The following MRAP2 variants were observed in gnomAD, a reference collection of about 807,000 sequenced individuals.
MRAP2 encodes the protein melanocortin 2 receptor accessory protein 2.
Under a neutral mutation model 17.4 loss-of-function variants are expected in MRAP2, and 20 were observed. The ratio of observed to expected loss-of-function variants is 1.15; its 90% CI spans 0.81 to 1.67. The LOEUF (loss-of-function observed/expected upper bound fraction) is 1.67. MRAP2 is among the 40% of genes most tolerant of loss of function. MRAP2 has a pLI of 0.00. For missense variants in MRAP2, 238 were observed against 240.0 expected (o/e 0.99, Z 0.05); for synonymous variants, 96 against 88.4 (o/e 1.09, Z -0.48).
downstream of MRAP2, among the ~76,000 whole-genome samples, chr6:84,094,598 C>A (rs2099502339): frequency 6.6e-6 from 1 of 152,192 alleles, no homozygotes; most frequent in African/African-American, 2.4e-5. Context: ...TTTCCAATAA[C>A]ATGTTCCTCA....
At chr6:84,036,601 A>G (rs57065075) in intron 1 of MRAP2, among the ~76,000 whole-genome samples, 9,720 of 152,178 alleles carry the variant, frequency 0.064, 1,004 homozygotes, top group African/African-American at 0.22. Context: ...GCAGACCCAA[A>G]GAGTGAGCAG....
At chr6:84,038,640 GA>G (rs1190265076) in intron 1 of MRAP2, among the ~76,000 whole-genome samples, 2 of 152,098 alleles carry the variant, frequency 1.3e-5, no homozygotes, top group Non-Finnish European at 2.9e-5. Flanking sequence ...TACAGGCACA[GA>G]ACACCATGCC....
intron 2 of MRAP2, among the ~76,000 whole-genome samples, chr6:84,060,769 T>C (rs539182347): frequency 6.6e-6 from 1 of 151,258 alleles, no homozygotes; most frequent in Non-Finnish European, 1.5e-5. Flanking sequence ...CACTGCAAGC[T>C]CCACCTGCCG....
the MRAP2 span, among the ~76,000 whole-genome samples, chr6:84,135,757 G>A: frequency 6.6e-6 from 1 of 152,112 alleles, no homozygotes; most frequent in Admixed American, 6.5e-5. Flanking sequence ...CAGCTACTCA[G>A]GAAGCTGAGA....
At chr6:84,104,503 T>C in the MRAP2 span, among the ~76,000 whole-genome samples, 1 of 152,250 alleles carries the variant, frequency 6.6e-6, no homozygotes, top group East Asian at 1.9e-4. Context: ...ACTTTTATGC[T>C]GTGTTTCCCT....
At chr6:84,083,042 G>A (rs565121458) in intron 3 of MRAP2, among the ~76,000 whole-genome samples, 4 of 151,804 alleles carry the variant, frequency 2.6e-5, no homozygotes, top group Non-Finnish European at 4.4e-5. Context: ...CAGATTGTGC[G>A]ACCCGACCCC....
chr6:84,096,007 A>G, the MRAP2 span, among the ~76,000 whole-genome samples: 2 of 152,230 alleles, frequency 1.3e-5, no homozygotes, highest in East Asian at 3.8e-4. Context: ...ATGTGTGTAC[A>G]TTTTAAGGAA....
intron 3 of MRAP2, among the ~76,000 whole-genome samples, chr6:84,083,022 G>A (rs1455143746): frequency 6.6e-6 from 1 of 151,910 alleles, no homozygotes; most frequent in Non-Finnish European, 1.5e-5. Flanking sequence ...CTAACCAACC[G>A]AGATTAATTC....
chr6:84,071,052 G>A lies in MRAP2; in HGVS notation c.227+8060G>A, dbSNP rs111910480. Among the ~76,000 whole-genome samples, 1,471 of 152,216 alleles carry A rather than the reference G, an allele frequency of 9.7e-3. 32 individuals are homozygous for A. Among genetic ancestry groups the A allele is most frequent in the African/African-American group, 0.033 (1,359 of 41,518 alleles). Reference sequence around the variant, plus strand: ...GTATTTTTTTAAGTGGAGCATTTAGGCCATTTACATTCAATGTTAGTATTG... The same window carrying A: ...GTATTTTTTTAAGTGGAGCATTTAGACCATTTACATTCAATGTTAGTATTG... On this transcript the variant is annotated intron_variant, in intron 3 of 3. Coordinates refer to ENST00000257776, the MANE Select transcript of MRAP2 (RefSeq NM_138409.4).
the MRAP2 span, among the ~76,000 whole-genome samples, chr6:84,129,981 CATG>C: frequency 6.6e-6 from 1 of 152,108 alleles, no homozygotes; most frequent in Non-Finnish European, 1.5e-5. Context: ...GCCCATTCAG[CATG>C]ATATTGGCTG....
At chr6:84,134,202 C>G in the MRAP2 span, among the ~76,000 whole-genome samples, 1 of 152,200 alleles carries the variant, frequency 6.6e-6, no homozygotes, top group Admixed American at 6.5e-5. Flanking sequence ...GTGGATGCCA[C>G]TCCCCCCACC....
At chr6:84,105,722 C>A in the MRAP2 span, among the ~76,000 whole-genome samples, 2 of 152,116 alleles carry the variant, frequency 1.3e-5, no homozygotes, top group African/African-American at 2.4e-5. Context: ...TCACTCTAGG[C>A]AATATCATAA....
chr6:84,069,523 A>G (rs557843319), intron 3 of MRAP2, among the ~76,000 whole-genome samples: 23 of 152,122 alleles, frequency 1.5e-4, no homozygotes, highest in Admixed American at 2.0e-4. Context: ...TTTAGCATCT[A>G]TGTTCATCAA....
At chr6:84,141,582 C>A in the MRAP2 span, among the ~76,000 whole-genome samples, 8 of 152,288 alleles carry the variant, frequency 5.3e-5, no homozygotes, top group East Asian at 1.5e-3. Flanking sequence ...ACTCCTCCAA[C>A]TTCCCCAGGA....
intron 2 of MRAP2, among the ~76,000 whole-genome samples, chr6:84,061,463 A>T (rs913800105): frequency 3.3e-5 from 5 of 152,342 alleles, no homozygotes; most frequent in Middle Eastern, 3.4e-3. Context: ...TGTGATTGTT[A>T]TCCAAGATAG....
intron 2 of MRAP2, among the ~76,000 whole-genome samples, chr6:84,058,795 G>C (rs1319810151): frequency 2.0e-5 from 3 of 152,188 alleles, no homozygotes; most frequent in African/African-American, 4.8e-5. Flanking sequence ...CTGAAAAAAG[G>C]GTTGCAAAGA....
chr6:84,137,069 G>A, the MRAP2 span, among the ~76,000 whole-genome samples: 400 of 152,312 alleles, frequency 2.6e-3, 4 homozygotes, highest in African/African-American at 8.9e-3. Flanking sequence ...GGAGCATGCG[G>A]CATCTAAACT....
At chr6:84,040,984 C>T (rs962501681) in intron 1 of MRAP2, among the ~76,000 whole-genome samples, 2 of 152,184 alleles carry the variant, frequency 1.3e-5, no homozygotes, top group Non-Finnish European at 2.9e-5. Flanking sequence ...CAGGGCATGT[C>T]GGAGACCTTT....
intron 3 of MRAP2, among the ~76,000 whole-genome samples, chr6:84,084,201 T>C (rs555241488): frequency 1.7e-3 from 253 of 152,306 alleles, no homozygotes; most frequent in African/African-American, 5.8e-3. Context: ...TGGCCTTGAA[T>C]TTTTAGTAAC....
Sources: gnomAD v4.1 joint callset for allele counts (sites outside exome capture counted in the v4.1 genomes callset) on GRCh38, gnomAD v4.1.1 for gene constraint, MANE v1.5 for transcripts, NCBI Gene and HGNC (gene_info 2026-07-23, HGNC 2026-07-21) for gene names.